The following TSHZ1 variants were observed in gnomAD, a reference collection of about 807,000 sequenced individuals.
TSHZ1 encodes teashirt zinc finger homeobox 1.
TSHZ1 carries 12 observed loss-of-function variants against 67.1 expected under a neutral mutation model. That is an observed-to-expected ratio of 0.18 (90% CI 0.11 to 0.29). The LOEUF (loss-of-function observed/expected upper bound fraction) is 0.29, where lower values mean the gene tolerates loss of function less well. TSHZ1 is among the 10% of genes least tolerant of loss of function. TSHZ1 has a pLI of 1.00. For missense variants in TSHZ1, 1,305 were observed against 1,413.9 expected, an observed-to-expected ratio of 0.92 and a Z score of 1.23; for synonymous variants, 632 against 622.4, an observed-to-expected ratio of 1.02 and a Z score of -0.23.
chr18:75,243,839 C>T (rs756862278), intron 1 of TSHZ1, among the ~76,000 whole-genome samples: 2 of 151,996 alleles, frequency 1.3e-5, no homozygotes, highest in Non-Finnish European at 2.9e-5. Context: ...TTTGCCTTTC[C>T]TCAACATTAT....
At chr18:75,237,660 A>G (rs1260362517) in intron 1 of TSHZ1, among the ~76,000 whole-genome samples, 1 of 152,096 alleles carries the variant, frequency 6.6e-6, no homozygotes, top group Non-Finnish European at 1.5e-5. Flanking sequence ...GACTGCAAGT[A>G]TTTGTAGGAG....
At chr18:75,217,542 A>T (rs2022786413) in intron 1 of TSHZ1, among the ~76,000 whole-genome samples, 1 of 152,210 alleles carries the variant, frequency 6.6e-6, no homozygotes, top group South Asian at 2.1e-4. Context: ...GTTGTAAATG[A>T]TATCTTCTGG....
rs557571956 is a variant in TSHZ1 at position 75,288,538 on chromosome 18, G to C, written c.3131G>C (p.Arg1044Pro). ...GSTFQCKLCN[R>P]TFASKHAVKL... is the part of the protein sequence containing the mutation. Reference sequence around the variant, plus strand: ...ACATTCCAATGTAAGCTCTGCAACCGGACTTTTGCGAGCAAGCACGCAGTC... The same window carrying C: ...ACATTCCAATGTAAGCTCTGCAACCCGACTTTTGCGAGCAAGCACGCAGTC... Residue 1044 changes from arginine to proline, a missense_variant, in exon 2 of 2, where the codon CGG becomes CCG. This residue lies in a region of TSHZ1 where 909 missense variants were observed against 961.8 expected (regional missense o/e 0.95). Coordinates refer to ENST00000580243, the MANE Select transcript of TSHZ1 (RefSeq NM_001308210.2). The surrounding 1 kb of genome is among the most constrained non-coding windows in gnomAD (Gnocchi z 4.9). 1.2e-6 allele frequency: 2 copies of C among 1,614,216 alleles called. No homozygotes were observed. The highest frequency in any genetic ancestry group is 1.7e-6 in the Non-Finnish European group (2 of 1,180,052).
rs897487367 is a variant in TSHZ1, at chr18:75,210,987, CTTTT to C, written c.-883_-880del. On this transcript the variant is annotated 5_prime_UTR_variant, in exon 1 of 2. It introduces an in-frame stop codon into an upstream open reading frame of the 5' UTR. Transcript: ENST00000580243. ...CACACACTCTCCGGGTTGTTGTTGC[CTTTT>C]TTTTTTCTTGGAGGGGGGGGTGCTT... 8.5e-6 allele frequency: 1 copy of C among 117,708 alleles called. No individual in the cohort carries two copies. The highest frequency in any genetic ancestry group is 1.8e-5 in the Non-Finnish European group (1 of 56,630). The allele number at this position is 117,708 out of a possible 1,614,324, so 7.3% of individuals were successfully genotyped here. A position where few individuals can be genotyped will look rare whatever the true frequency, so the allele number is the denominator to read the frequency against.
chr18:75,274,035 G>A (rs952726124), intron 1 of TSHZ1, among the ~76,000 whole-genome samples: 33 of 152,260 alleles, frequency 2.2e-4, no homozygotes, highest in African/African-American at 7.7e-4. Context: ...TGGGCTGCTG[G>A]TGCTTGCTGG....
intron 1 of TSHZ1, among the ~76,000 whole-genome samples, chr18:75,223,429 T>A (rs2022875438): frequency 6.6e-6 from 1 of 152,166 alleles, no homozygotes; most frequent in South Asian, 2.1e-4. Context: ...CTCATTGATT[T>A]GCACCTAACT....
intron 1 of TSHZ1, among the ~76,000 whole-genome samples, chr18:75,225,858 G>A (rs774895393): frequency 6.6e-6 from 1 of 152,124 alleles, no homozygotes; most frequent in Non-Finnish European, 1.5e-5. Context: ...TGCTTAGAAC[G>A]GAGCCAAAAG....
chr18:75,280,626 G>A (rs2023673090), intron 1 of TSHZ1: 1 of 424,638 alleles, frequency 2.4e-6, no homozygotes, highest in Non-Finnish European at 3.1e-6. Flanking sequence ...GTTACTTTGG[G>A]GAAGTCGGTC....
chr18:75,263,808 T>C (rs2023457787), intron 1 of TSHZ1, among the ~76,000 whole-genome samples: 1 of 152,220 alleles, frequency 6.6e-6, no homozygotes, highest in Admixed American at 6.5e-5. Flanking sequence ...AAGTTTTTGA[T>C]ACTGGAAGAT....
Position 75,288,890 on chromosome 18 carries a change from G to T in TSHZ1, c.*249G>T, listed in dbSNP as rs2023824263. On this transcript the variant is annotated 3_prime_UTR_variant, in exon 2 of 2. Transcript: ENST00000580243. This position sits in a 1 kb window ranked among gnomAD's most constrained non-coding sequence, Gnocchi z 4.9. ...TGTTCTTGGTGTTAAGCTATCTTTT[G>T]TAGGAAATAGTGGGGCACACTACTC... 2.4e-6 allele frequency: 1 copy of T among 422,454 alleles called. No individual in the cohort carries two copies. The highest frequency in any genetic ancestry group is 4.3e-5 in the Admixed American group (1 of 23,282). The allele number at this position is 422,454 out of a possible 1,614,324, so 26.2% of individuals were successfully genotyped here.
chr18:75,211,838 CGGCGGCGGCTGA>C lies in TSHZ1; in HGVS notation c.-34_-23del, dbSNP rs942001646. On this transcript the variant is annotated 5_prime_UTR_variant, in exon 1 of 2. An upstream open reading frame in the 5' UTR loses its in-frame stop. Transcript: ENST00000580243. ...CCGCGTCCCCGCGCCCCGCGAACTC[CGGCGGCGGCTGA>C]GGCGACGGCTGCGGCGGCCGAGCAG... is the stretch of plus-strand genomic sequence containing the variant. 31 of 1,131,160 alleles carry C rather than the reference CGGCGGCGGCTGA, an allele frequency of 2.7e-5. 1 individual carries two copies. Among genetic ancestry groups the C allele is most frequent in the Middle Eastern group, 3.7e-4 (1 of 2,712 alleles). 70.1% of individuals were successfully genotyped at this position (1,131,160 alleles called of 1,614,324 possible). A position where few individuals can be genotyped will look rare whatever the true frequency, so the allele number is the denominator to read the frequency against.
At chr18:75,276,969 C>A (rs1161578398) in intron 1 of TSHZ1, among the ~76,000 whole-genome samples, 1 of 152,196 alleles carries the variant, frequency 6.6e-6, no homozygotes, top group African/African-American at 2.4e-5. Flanking sequence ...TTGTGTCCAC[C>A]ACCTCCTCCG....
At chr18:75,246,161 C>T (rs1476964985) in intron 1 of TSHZ1, among the ~76,000 whole-genome samples, 1 of 152,146 alleles carries the variant, frequency 6.6e-6, no homozygotes, top group East Asian at 1.9e-4. Flanking sequence ...TCAAACAGAG[C>T]ATTTGTTAGT....
At chr18:75,222,796 A>G (rs757450255) in intron 1 of TSHZ1, among the ~76,000 whole-genome samples, 1 of 152,124 alleles carries the variant, frequency 6.6e-6, no homozygotes, top group Non-Finnish European at 1.5e-5. Context: ...ACCTAATCCC[A>G]AGGTTCTCAA....
At chr18:75,278,024 C>T (rs1393908354) in intron 1 of TSHZ1, among the ~76,000 whole-genome samples, 3 of 152,080 alleles carry the variant, frequency 2.0e-5, no homozygotes, top group Non-Finnish European at 4.4e-5. Flanking sequence ...CCATCTCTCT[C>T]TCCTTCTGCC....
chr18:75,249,726 TTCC>T (rs2023272045), intron 1 of TSHZ1, among the ~76,000 whole-genome samples: 1 of 143,550 alleles, frequency 7.0e-6, no homozygotes, highest in African/African-American at 2.6e-5. Flanking sequence ...AGGGTATGAC[TTCC>T]TCCTCCTCAC....
chr18:75,256,862 T>C (rs1568361887), intron 1 of TSHZ1, among the ~76,000 whole-genome samples: 1 of 152,206 alleles, frequency 6.6e-6, no homozygotes, highest in Non-Finnish European at 1.5e-5. Flanking sequence ...CCTCGGATAG[T>C]TAGGTAGCTG....
At chr18:75,222,637 C>G (rs968932741) in intron 1 of TSHZ1, among the ~76,000 whole-genome samples, 1 of 152,152 alleles carries the variant, frequency 6.6e-6, no homozygotes, top group Non-Finnish European at 1.5e-5. Flanking sequence ...CTCCTCCTCT[C>G]TGGCTTATTC....
chr18:75,247,566 T>C (rs2023240006), intron 1 of TSHZ1, among the ~76,000 whole-genome samples: 1 of 152,232 alleles, frequency 6.6e-6, no homozygotes, highest in Non-Finnish European at 1.5e-5. Flanking sequence ...GAAAACACTG[T>C]TTCCCTCATT....
Sources: gnomAD v4.1 joint callset for allele counts (sites outside exome capture counted in the v4.1 genomes callset) on GRCh38, gnomAD v4.1.1 for gene constraint, gnomAD v4.1.1 regional missense constraint, Gnocchi (gnomAD v3.1) non-coding constraint, MANE v1.5 for transcripts, NCBI Gene and HGNC (gene_info 2026-07-23, HGNC 2026-07-21) for gene names.